SLC35F2: variants seen among roughly 807,000 people sequenced by gnomAD.
SLC35F2 encodes solute carrier family 35 member F2, also known as queuine/queuosine transporter SLC35F2.
Under a neutral mutation model 38.1 loss-of-function variants are expected in SLC35F2, and 25 were observed. The observed-to-expected ratio is 0.66, with a 90% CI of 0.48 to 0.92. The LOEUF is 0.92. SLC35F2 is among the 40% of genes least tolerant of loss of function. The pLI is 0.00. For missense variants in SLC35F2, 409 were observed against 452.9 expected (o/e 0.90, Z 0.88); for synonymous variants, 173 against 181.7 (o/e 0.95, Z 0.38).
intron 1 of SLC35F2, among the ~76,000 whole-genome samples, chr11:107,836,738 ATG>A (rs1565438613): frequency 2.6e-5 from 4 of 151,492 alleles, no homozygotes; most frequent in South Asian, 2.1e-4. Flanking sequence ...GGGAAGATGA[ATG>A]TTGGCTTTCT....
intron 1 of SLC35F2, among the ~76,000 whole-genome samples, chr11:107,836,527 T>C (rs746304798): frequency 4.6e-5 from 7 of 152,184 alleles, no homozygotes; most frequent in Non-Finnish European, 1.0e-4. Flanking sequence ...ACATGAGACT[T>C]TAAAAGCAAA....
intron 7 of SLC35F2, among the ~76,000 whole-genome samples, chr11:107,793,990 T>A (rs1859175901): frequency 6.6e-6 from 1 of 152,102 alleles, no homozygotes; most frequent in African/African-American, 2.4e-5. Flanking sequence ...CCCAAAAGTC[T>A]AAATAAATTC....
chr11:107,829,672 T>A, intron 1 of SLC35F2, among the ~76,000 whole-genome samples: 2 of 127,526 alleles, frequency 1.6e-5, no homozygotes, highest in Admixed American at 8.2e-5. Context: ...ACCTATGAAA[T>A]CTCACAAAAA....
intron 3 of SLC35F2, chr11:107,810,742 T>C (rs1859467812): frequency 1.0e-6 from 1 of 978,900 alleles, no homozygotes; most frequent in Non-Finnish European, 1.2e-6. Flanking sequence ...GTTAATATAA[T>C]GGTAGTAACA....
intron 1 of SLC35F2, among the ~76,000 whole-genome samples, chr11:107,825,071 T>C (rs1271317046): frequency 6.6e-6 from 1 of 152,238 alleles, no homozygotes; most frequent in Non-Finnish European, 1.5e-5. Flanking sequence ...GGGATCAGCA[T>C]TGTGCAATAC....
At chr11:107,857,055 C>G (rs1860301290) in intron 1 of SLC35F2, among the ~76,000 whole-genome samples, 2 of 110,134 alleles carry the variant, frequency 1.8e-5, no homozygotes, top group African/African-American at 3.6e-5. Flanking sequence ...AAGGGAGGGG[C>G]GGAGGGAGGG....
At chr11:107,810,874 C>A in intron 3 of SLC35F2, 1 of 981,666 alleles carries the variant, frequency 1.0e-6, no homozygotes, top group Non-Finnish European at 1.2e-6. Context: ...AAGAACATCT[C>A]TGTATTTTGT....
At chr11:107,803,996 T>A (rs563852757) in intron 6 of SLC35F2, among the ~76,000 whole-genome samples, 50 of 150,790 alleles carry the variant, frequency 3.3e-4, no homozygotes, top group African/African-American at 1.1e-3. Flanking sequence ...CGGATAATTT[T>A]TTTTTTTTTT....
chr11:107,842,863 G>A (rs918167514), intron 1 of SLC35F2, among the ~76,000 whole-genome samples: 7 of 152,124 alleles, frequency 4.6e-5, no homozygotes, highest in East Asian at 1.9e-4. Flanking sequence ...GCATAAGACT[G>A]TTTCTAGAAG....
At chr11:107,840,870 A>T (rs1860004035) in intron 1 of SLC35F2, 1 of 152,210 alleles carries the variant, frequency 6.6e-6, no homozygotes, top group Non-Finnish European at 1.5e-5. Flanking sequence ...ACCTGAAGAA[A>T]ACAGGAGTCT....
In SLC35F2 at chr11:107,804,670, T is replaced by C. The variant is rs759052897; in HGVS notation, c.784+48A>G. The C allele has an allele frequency of 2.2e-5, 29 of 1,338,164 alleles. No individual in the cohort carries two copies. In the African/African-American group the frequency reaches 4.0e-4, roughly 18 times the overall value. 82.9% of individuals were successfully genotyped at this position (1,338,164 alleles called of 1,614,324 possible). ...TAAAGCACATATTTCTAGATGTTCA[T>C]TTGTTTGTTAAAGAATGCTGACTAA... On this transcript the variant is annotated intron_variant, in intron 6 of 7. Coordinates refer to ENST00000525815, the MANE Select transcript of SLC35F2 (RefSeq NM_017515.5).
chr11:107,809,451 A>C (rs1859447184), intron 3 of SLC35F2, among the ~76,000 whole-genome samples: 2 of 124,550 alleles, frequency 1.6e-5, no homozygotes, highest in African/African-American at 3.2e-5. Flanking sequence ...ACAGAATGAG[A>C]CTCCACCTCA....
chr11:107,853,441 G>A (rs917478980), intron 1 of SLC35F2, among the ~76,000 whole-genome samples: 5 of 152,056 alleles, frequency 3.3e-5, no homozygotes, highest in Non-Finnish European at 4.4e-5. Context: ...CAATGAGGCC[G>A]GGCGCGGTGG....
At chr11:107,842,505 C>T (rs551037737) in intron 1 of SLC35F2, among the ~76,000 whole-genome samples, 6 of 151,934 alleles carry the variant, frequency 3.9e-5, no homozygotes. Context: ...AGGAAATGTG[C>T]CACCATACCC....
At position 107,791,870 on chromosome 11, in the gene SLC35F2, G is replaced by A. The variant is rs995664979; in HGVS notation, c.*745C>T. The A allele has an allele frequency of 6.6e-6, 1 of 151,872 alleles. No homozygotes were observed. The highest frequency in any genetic ancestry group is 2.1e-4 in the South Asian group (1 of 4,818). The allele number at this position is 151,872 out of a possible 1,614,324, so 9.4% of individuals were successfully genotyped here. Reference sequence around the variant, plus strand: ...TACTAAAAATACAAAACTTAGCTGGGCGTGGGGCCACATGCTTTTGTAATC... The same window carrying A: ...TACTAAAAATACAAAACTTAGCTGGACGTGGGGCCACATGCTTTTGTAATC... On this transcript the variant is annotated 3_prime_UTR_variant, in exon 8 of 8. Coordinates refer to ENST00000525815, the MANE Select transcript of SLC35F2 (RefSeq NM_017515.5).
At chr11:107,818,068 AAAAAAAAG>A (rs1466843526) in intron 1 of SLC35F2, among the ~76,000 whole-genome samples, 53 of 101,508 alleles carry the variant, frequency 5.2e-4, no homozygotes, top group African/African-American at 1.1e-3. Flanking sequence ...AAAAAAAAAA[AAAAAAAAG>A]AAAGAAAGAA....
At chr11:107,833,518 C>CAAAAAAAAAAAAAAAAAAAAA (rs34376803) in intron 1 of SLC35F2, among the ~76,000 whole-genome samples, 61 of 89,518 alleles carry the variant, frequency 6.8e-4, no homozygotes, top group African/African-American at 1.6e-3. Context: ...GACTCTGTCT[C>CAAAAAAAAAAAAAAAAAAAAA]AAAAAAAAAA....
Position 107,792,720 on chromosome 11 carries a change from G to C in SLC35F2, c.1020C>G (p.Ala340=). The change falls in exon 8 of 8, where the codon GCC becomes GCG. Residue 340 remains alanine, a synonymous_variant. Coordinates refer to ENST00000525815, the MANE Select transcript of SLC35F2 (RefSeq NM_017515.5). ...ILYCSTPTRT[A]EPAESSVPPV... is the part of the protein sequence containing the mutation. Reference sequence around the variant, plus strand: ...GAGGCACGCTGCTTTCAGCCGGCTCGGCCGTGCGAGTAGGGGTGGAGCAGT... The same window carrying C: ...GAGGCACGCTGCTTTCAGCCGGCTCCGCCGTGCGAGTAGGGGTGGAGCAGT... 1 of 1,613,914 alleles carries C rather than the reference G, an allele frequency of 6.2e-7. No homozygotes were observed. Among genetic ancestry groups the C allele is most frequent in the South Asian group, 1.1e-5 (1 of 90,996 alleles).
At chr11:107,802,335 T>C (rs1387932340) in intron 7 of SLC35F2, among the ~76,000 whole-genome samples, 1 of 152,204 alleles carries the variant, frequency 6.6e-6, no homozygotes, top group African/African-American at 2.4e-5. Flanking sequence ...ATGTTATTTT[T>C]TCAAACTCCA....
Sources: allele counts gnomAD v4.1 joint callset (sites outside exome capture counted in the v4.1 genomes callset), GRCh38; gene constraint gnomAD v4.1.1; transcripts MANE v1.5; gene names NCBI Gene and HGNC (gene_info 2026-07-23, HGNC 2026-07-21).